BLTP1: variants seen among roughly 807,000 people sequenced by gnomAD.
BLTP1 encodes fragile site-associated protein.
At chr4:122,155,570 C>A in the BLTP1 span, among the ~76,000 whole-genome samples, 2 of 152,092 alleles carry the variant, frequency 1.3e-5, no homozygotes, top group Non-Finnish European at 2.9e-5. Flanking sequence ...GTGATCCACC[C>A]GCCTCGGCTT....
chr4:122,243,146 T>A, the BLTP1 span: 1 of 1,367,944 alleles, frequency 7.3e-7, no homozygotes. Flanking sequence ...TAATAATCAT[T>A]CTTTATTTGA....
chr4:122,227,570 T>A, the BLTP1 span: 1 of 637,642 alleles, frequency 1.6e-6, no homozygotes, highest in East Asian at 1.4e-4. Context: ...AACTTAGTTT[T>A]TCTTTCTAGT....
chr4:122,237,359 C>G, the BLTP1 span: 6 of 985,234 alleles, frequency 6.1e-6, no homozygotes, highest in African/African-American at 5.2e-5. Context: ...GTGCTTCACT[C>G]TGATCCTAAA....
the BLTP1 span, chr4:122,346,729 A>G: frequency 1.9e-6 from 3 of 1,611,674 alleles, no homozygotes; most frequent in African/African-American, 2.7e-5. Context: ...CAAGACGTCT[A>G]TTCCTTGGAG....
At chr4:122,272,507 A>G in the BLTP1 span, 1 of 952,154 alleles carries the variant, frequency 1.1e-6, no homozygotes, top group Non-Finnish European at 1.5e-6. Context: ...TAATTGGCAA[A>G]TTTTTTTTTT....
chr4:122,343,295 T>G, the BLTP1 span: 1 of 1,300,708 alleles, frequency 7.7e-7, no homozygotes, highest in South Asian at 1.5e-5. Context: ...TCTATTGATC[T>G]GATGTTTGAG....
At chr4:122,343,407 T>C in the BLTP1 span, 3 of 1,613,624 alleles carry the variant, frequency 1.9e-6, no homozygotes, top group Non-Finnish European at 2.5e-6. Context: ...GTGCTCACTG[T>C]AGGTTCATCG....
the BLTP1 span, among the ~76,000 whole-genome samples, chr4:122,221,502 A>T: frequency 6.6e-6 from 1 of 152,130 alleles, no homozygotes; most frequent in Non-Finnish European, 1.5e-5. Flanking sequence ...AAGTTATTTT[A>T]CATAATTATA....
chr4:122,157,948 C>T, the BLTP1 span, among the ~76,000 whole-genome samples: 1 of 152,176 alleles, frequency 6.6e-6, no homozygotes, highest in Non-Finnish European at 1.5e-5. Flanking sequence ...CCCTCCCTGT[C>T]TCCCAAGTCC....
At chr4:122,285,260 A>G in the BLTP1 span, among the ~76,000 whole-genome samples, 1 of 152,178 alleles carries the variant, frequency 6.6e-6, no homozygotes, top group African/African-American at 2.4e-5. Context: ...AAGGGATAAA[A>G]ACAGTAAAAG....
At chr4:122,279,052 T>C in the BLTP1 span, among the ~76,000 whole-genome samples, 1 of 152,244 alleles carries the variant, frequency 6.6e-6, no homozygotes, top group Non-Finnish European at 1.5e-5. Flanking sequence ...TACAATTCTT[T>C]GAAGAAATGC....
At chr4:122,271,424 A>G in the BLTP1 span, 1 of 1,613,894 alleles carries the variant, frequency 6.2e-7, no homozygotes, top group Non-Finnish European at 8.5e-7. Context: ...TGGTGGCAAT[A>G]GAGTAAATAA....
chr4:122,292,519 A>C, the BLTP1 span: 1 of 823,428 alleles, frequency 1.2e-6, no homozygotes, highest in Non-Finnish European at 1.5e-6. Context: ...AATATGAAAA[A>C]GTGAAAGGCT....
At chr4:122,325,543 T>C in the BLTP1 span, 1 of 1,223,602 alleles carries the variant, frequency 8.2e-7, no homozygotes, top group Non-Finnish European at 1.0e-6. Flanking sequence ...ACATGCACAA[T>C]AAAGGCTCCA....
the BLTP1 span, among the ~76,000 whole-genome samples, chr4:122,217,101 A>G: frequency 6.6e-6 from 1 of 152,134 alleles, no homozygotes; most frequent in Non-Finnish European, 1.5e-5. Context: ...TATGAAACCC[A>G]CTTTTCGCAC....
At chr4:122,306,670 G>C in the BLTP1 span, 1 of 947,250 alleles carries the variant, frequency 1.1e-6, no homozygotes. Flanking sequence ...CATTGAGTAA[G>C]AGAGAATAAG....
the BLTP1 span, chr4:122,251,263 A>T: frequency 1.4e-3 from 1,312 of 943,958 alleles, 12 homozygotes; most frequent in African/African-American, 0.022. Flanking sequence ...ATGTAATAAG[A>T]ATGTAGTAAC....
the BLTP1 span, chr4:122,347,801 T>C: frequency 1.3e-6 from 2 of 1,565,310 alleles, no homozygotes; most frequent in Non-Finnish European, 1.8e-6. Flanking sequence ...CTTTTTGTTA[T>C]CAGTAGCCCT....
chr4:122,271,132 C>T, the BLTP1 span: 3 of 1,613,760 alleles, frequency 1.9e-6, no homozygotes, highest in East Asian at 6.7e-5. Flanking sequence ...AGAACTCTAC[C>T]AGTGCCCTTT....
Sources: gnomAD v4.1 joint callset for allele counts (sites outside exome capture counted in the v4.1 genomes callset) on GRCh38, gnomAD v4.1.1 for gene constraint, MANE v1.5 for transcripts, NCBI Gene and HGNC (gene_info 2026-07-23, HGNC 2026-07-21) for gene names.